Variants in TSPAN13 observed in about 807,000 individuals in gnomAD.
TSPAN13 encodes tetraspanin-13.
Under a neutral mutation model 26.9 loss-of-function variants are expected in TSPAN13, and 18 were observed. That is an observed-to-expected ratio of 0.67 (90% confidence interval 0.46 to 0.99). TSPAN13 has a LOEUF of 0.99. Among genes scored for constraint, TSPAN13 ranks in the 50% least tolerant of loss-of-function variants. The probability of loss-of-function intolerance (pLI) is 0.00; values close to 1 mark genes in which losing one functional copy is unlikely to be tolerated. For missense variants in TSPAN13, 201 were observed against 249.6 expected (o/e 0.81, Z 1.31); for synonymous variants, 116 against 98.4 (o/e 1.18, Z -1.06).
At chr7:16,769,673 T>G (rs958999759) in intron 1 of TSPAN13, among the ~76,000 whole-genome samples, 1 of 152,174 alleles carries the variant, frequency 6.6e-6, no homozygotes, top group African/African-American at 2.4e-5. Context: ...AATTTTTTTT[T>G]GATTTTTTGG....
chr7:16,764,529 C>G (rs1275534872), intron 1 of TSPAN13, among the ~76,000 whole-genome samples: 3 of 151,874 alleles, frequency 2.0e-5, no homozygotes, highest in African/African-American at 7.3e-5. Flanking sequence ...GTGTATGTGA[C>G]AAAATTTCTG....
chr7:16,770,528 C>G (rs1784662668), intron 1 of TSPAN13, among the ~76,000 whole-genome samples: 1 of 152,158 alleles, frequency 6.6e-6, no homozygotes, highest in African/African-American at 2.4e-5. Context: ...TCTTTTTAGT[C>G]AGTTTAAAAT....
At position 16,783,760 on chromosome 7, in the gene TSPAN13, T is replaced by C. The variant is rs1438712012; in HGVS notation, c.*269T>C. 6.6e-6 allele frequency: 3 copies of C among 455,214 alleles called. No individual in the cohort carries two copies. The highest frequency in any genetic ancestry group is 5.8e-5 in the African/African-American group (3 of 51,520). The allele number at this position is 455,214 out of a possible 1,614,324, so 28.2% of individuals were successfully genotyped here. On this transcript the variant is annotated 3_prime_UTR_variant, in exon 6 of 6. Transcript: ENST00000262067. ...CGGGCACTGTCCACTGTGGCCTTTC[T>C]TAGCATTTTTACCTGCAGAAAAACT... is the stretch of plus-strand genomic sequence containing the variant.
chr7:16,765,750 C>T (rs767043228), intron 1 of TSPAN13, among the ~76,000 whole-genome samples: 1 of 152,154 alleles, frequency 6.6e-6, no homozygotes, highest in Non-Finnish European at 1.5e-5. Context: ...AGCATTGTCT[C>T]CCAAAGGGAA....
At chr7:16,767,036 G>A (rs1319055526) in intron 1 of TSPAN13, among the ~76,000 whole-genome samples, 2 of 152,038 alleles carry the variant, frequency 1.3e-5, no homozygotes, top group Non-Finnish European at 2.9e-5. Flanking sequence ...CAGGACTCCT[G>A]GGCTCAAGCA....
Position 16,782,763 on chromosome 7 carries a change from T to C in TSPAN13, c.541-654T>C, listed in dbSNP as rs1024611682. On this transcript the variant is annotated intron_variant, in intron 5 of 5. Coordinates refer to ENST00000262067, the MANE Select transcript of TSPAN13 (RefSeq NM_014399.4). ...AGTTTATTCCTGAATTATCAAAATATATGCTATTTTAGCTATTTAGACTAC... is the reference window on the plus strand; with the variant it reads ...AGTTTATTCCTGAATTATCAAAATACATGCTATTTTAGCTATTTAGACTAC... 2.6e-5 allele frequency among the ~76,000 whole-genome samples: 4 copies of C among 152,336 alleles called. 1 individual carries two copies. The highest frequency in any genetic ancestry group is 6.8e-3 in the Middle Eastern group (2 of 294).
intron 5 of TSPAN13, among the ~76,000 whole-genome samples, chr7:16,781,131 C>G (rs1219254279): frequency 6.6e-6 from 1 of 151,994 alleles, no homozygotes; most frequent in Non-Finnish European, 1.5e-5. Flanking sequence ...GATTTAGAAT[C>G]TGAAAAAAGC....
At position 16,753,789 on chromosome 7, in the gene TSPAN13, G is replaced by C. The variant is rs1010848710; in HGVS notation, c.-179G>C. ...CTGCGGCGGCCGCAGGTTCCAAAGC[G>C]GGTCCGAGCCGCCGCCGCGCGCGCG... is the stretch of plus-strand genomic sequence containing the variant. On this transcript the variant is annotated 5_prime_UTR_variant, in exon 1 of 6. Coordinates refer to ENST00000262067, the MANE Select transcript of TSPAN13 (RefSeq NM_014399.4). 30 of 490,998 alleles carry C rather than the reference G, an allele frequency of 6.1e-5. No homozygotes were observed. In the South Asian group the frequency reaches 6.6e-4, roughly 11 times the overall value. The allele number at this position is 490,998 out of a possible 1,614,324, so 30.4% of individuals were successfully genotyped here. A position where few individuals can be genotyped will look rare whatever the true frequency, so the allele number is the denominator to read the frequency against.
intron 1 of TSPAN13, among the ~76,000 whole-genome samples, chr7:16,765,554 A>T (rs1320811111): frequency 1.3e-5 from 2 of 152,118 alleles, no homozygotes; most frequent in African/African-American, 4.8e-5. Context: ...GACACTTTTT[A>T]TGACCAGTTT....
intron 1 of TSPAN13, among the ~76,000 whole-genome samples, chr7:16,766,403 G>T (rs76645940): frequency 0.019 from 2,871 of 152,290 alleles, 23 homozygotes; most frequent in South Asian, 0.039. Flanking sequence ...GTGTATTTGC[G>T]TGTGCATGTG....
chr7:16,774,829 A>T (rs1784722005), intron 1 of TSPAN13, among the ~76,000 whole-genome samples: 1 of 151,464 alleles, frequency 6.6e-6, no homozygotes, highest in African/African-American at 2.4e-5. Context: ...TTTTATTCTC[A>T]AGTTTTGTCT....
chr7:16,755,782 C>T (rs1007619395), intron 1 of TSPAN13, among the ~76,000 whole-genome samples: 1 of 152,130 alleles, frequency 6.6e-6, no homozygotes, highest in Non-Finnish European at 1.5e-5. Flanking sequence ...AATGAAGTTC[C>T]TTGCTTTCTA....
At chr7:16,776,446 T>C (rs1295273688) in intron 2 of TSPAN13, 68 bp downstream of exon 2, 2 of 1,468,834 alleles carry the variant, frequency 1.4e-6, no homozygotes, top group Non-Finnish European at 1.9e-6. Flanking sequence ...AATTTAATAT[T>C]ATCACTAGGA....
intron 1 of TSPAN13, among the ~76,000 whole-genome samples, chr7:16,760,836 G>A (rs1168055): frequency 0.67 from 101,285 of 152,046 alleles, 35,424 homozygotes; most frequent in African/African-American, 0.89. Context: ...TGAAGAAGTC[G>A]TTGAAAAGAG....
At chr7:16,774,262 C>T (rs957671141) in intron 1 of TSPAN13, among the ~76,000 whole-genome samples, 1 of 152,188 alleles carries the variant, frequency 6.6e-6, no homozygotes, top group African/African-American at 2.4e-5. Flanking sequence ...GATTTTCACT[C>T]AATAGATAGA....
intron 1 of TSPAN13, among the ~76,000 whole-genome samples, chr7:16,760,893 A>G (rs762439225): frequency 2.6e-5 from 4 of 152,176 alleles, no homozygotes; most frequent in South Asian, 2.1e-4. Context: ...AATAAAGGCA[A>G]TGTCGCAGTC....
chr7:16,765,266 ATTTT>A (rs34746935), intron 1 of TSPAN13, among the ~76,000 whole-genome samples: 15 of 151,376 alleles, frequency 9.9e-5, no homozygotes, highest in African/African-American at 3.6e-4. Context: ...CACCTGGCTA[ATTTT>A]TTTTATTTTT....
intron 1 of TSPAN13, among the ~76,000 whole-genome samples, chr7:16,764,402 C>T (rs1031908856): frequency 1.1e-4 from 17 of 152,102 alleles, no homozygotes; most frequent in Non-Finnish European, 2.2e-4. Flanking sequence ...AATGTTAAAA[C>T]AATTCTGTTT....
At chr7:16,754,611 T>C (rs544082147) in intron 1 of TSPAN13, among the ~76,000 whole-genome samples, 2 of 152,192 alleles carry the variant, frequency 1.3e-5, no homozygotes, top group African/African-American at 4.8e-5. Flanking sequence ...TCTTTTTGTT[T>C]TTGTTGTTGT....
Sources: allele counts gnomAD v4.1 joint callset (sites outside exome capture counted in the v4.1 genomes callset), GRCh38; gene constraint gnomAD v4.1.1; transcripts MANE v1.5; gene names NCBI Gene and HGNC (gene_info 2026-07-23, HGNC 2026-07-21).